Variants in NRG1 observed in about 807,000 individuals in gnomAD.
NRG1 encodes neuregulin 1.
A neutral mutation model predicts 63.8 loss-of-function variants in NRG1; 18 were observed. That is an observed-to-expected ratio of 0.28 (90% CI 0.19 to 0.42). The LOEUF (loss-of-function observed/expected upper bound fraction) is 0.42. NRG1 is among the 10% of genes least tolerant of loss of function. The probability of loss-of-function intolerance (pLI) is 1.00; values close to 1 mark genes in which losing one functional copy is unlikely to be tolerated. For synonymous variants in NRG1, 302 were observed against 301.3 expected (o/e 1.00, Z -0.02); for missense variants, 762 against 814.7 (o/e 0.94, Z 0.79).
chr8:31,739,847 A>G (rs1306554563), intron 1 of NRG1, among the ~76,000 whole-genome samples: 10 of 152,086 alleles, frequency 6.6e-5, no homozygotes, highest in Admixed American at 6.6e-4. Flanking sequence ...AGTATTTTGA[A>G]TAAAAGAGTT....
chr8:32,596,546 G>A (rs1331696615), intron 2 of NRG1, among the ~76,000 whole-genome samples: 1 of 149,670 alleles, frequency 6.7e-6, no homozygotes, highest in African/African-American at 2.5e-5. Context: ...GTTGCAGTAA[G>A]CCAAGAGCAC....
intron 1 of NRG1, among the ~76,000 whole-genome samples, chr8:32,232,152 C>T (rs10092466): frequency 0.051 from 7,712 of 152,116 alleles, 643 homozygotes; most frequent in African/African-American, 0.18. Flanking sequence ...GATCCTCCCA[C>T]CTCAGCCTCC....
At chr8:31,764,032 T>C (rs1247719900) in intron 1 of NRG1, among the ~76,000 whole-genome samples, 1 of 151,112 alleles carries the variant, frequency 6.6e-6, no homozygotes, top group Admixed American at 6.6e-5. Context: ...AAGATAGTTC[T>C]GGAATTCTGA....
intron 1 of NRG1, among the ~76,000 whole-genome samples, chr8:32,077,137 C>A (rs1395879745): frequency 1.3e-5 from 2 of 152,148 alleles, no homozygotes; most frequent in African/African-American, 2.4e-5. Context: ...GAGGCTGAGG[C>A]AGGTGGATCA....
At chr8:32,476,440 A>G (rs570413507) in intron 1 of NRG1, among the ~76,000 whole-genome samples, 11 of 152,208 alleles carry the variant, frequency 7.2e-5, no homozygotes, top group Non-Finnish European at 1.5e-4. Flanking sequence ...GAAAAGTTTC[A>G]TTTCAGGAGG....
At chr8:31,675,159 A>G (rs887859174) in intron 1 of NRG1, among the ~76,000 whole-genome samples, 1 of 152,238 alleles carries the variant, frequency 6.6e-6, no homozygotes, top group Non-Finnish European at 1.5e-5. Context: ...CCTGGCCCAC[A>G]TGGTGAAACC....
chr8:32,034,209 A>G (rs927824841), intron 1 of NRG1, among the ~76,000 whole-genome samples: 5 of 152,138 alleles, frequency 3.3e-5, no homozygotes, highest in Non-Finnish European at 7.4e-5. Flanking sequence ...TGAAATAATC[A>G]TGTGGTTTTT....
At chr8:32,345,702 G>T in intron 1 of NRG1, among the ~76,000 whole-genome samples, 1 of 152,152 alleles carries the variant, frequency 6.6e-6, no homozygotes, top group Non-Finnish European at 1.5e-5. Flanking sequence ...AGGTGCAGTG[G>T]CTCATACCTG....
intron 1 of NRG1, among the ~76,000 whole-genome samples, chr8:31,818,543 A>G (rs1823679007): frequency 6.6e-6 from 1 of 152,158 alleles, no homozygotes; most frequent in South Asian, 2.1e-4. Context: ...TTACATTCTC[A>G]TAAGAAGCAT....
chr8:32,198,681 T>C lies in NRG1; in HGVS notation c.38-397147T>C, dbSNP rs141572189. 7.4e-4 allele frequency among the ~76,000 whole-genome samples: 112 copies of C among 152,350 alleles called. No individual in the cohort carries two copies. In the East Asian group the frequency reaches 0.021, roughly 29 times the overall value. On this transcript the variant is annotated intron_variant, in intron 1 of 10. Coordinates refer to the NRG1 transcript ENST00000519301. The stretch of plus-strand genomic sequence containing the variant: ...GATTTTATACATGTCATTTGATGTT[T>C]ACACCAAGTTTTTGAGGTCAATCTC...
At chr8:31,982,273 T>C (rs1208460497) in intron 1 of NRG1, among the ~76,000 whole-genome samples, 1 of 152,100 alleles carries the variant, frequency 6.6e-6, no homozygotes, top group Non-Finnish European at 1.5e-5. Flanking sequence ...TCTTAGATCA[T>C]TCTTGCTAAG....
At chr8:31,944,392 C>T (rs117997730) in intron 1 of NRG1, among the ~76,000 whole-genome samples, 1,572 of 152,234 alleles carry the variant, frequency 0.01, 28 homozygotes, top group South Asian at 0.084. Context: ...ATGAAAAGAA[C>T]GATATGCAGA....
chr8:31,958,788 A>G (rs550869511), intron 1 of NRG1, among the ~76,000 whole-genome samples: 1 of 152,326 alleles, frequency 6.6e-6, no homozygotes, highest in East Asian at 1.9e-4. Flanking sequence ...CTATGATACA[A>G]TCAAGTTTTT....
At chr8:32,440,652 TA>T in intron 1 of NRG1, 1 of 152,234 alleles carries the variant, frequency 6.6e-6, no homozygotes, top group South Asian at 2.1e-4. Flanking sequence ...GATTGATGAC[TA>T]AGGGTCCGCA....
intron 1 of NRG1, among the ~76,000 whole-genome samples, chr8:32,492,140 A>AT (rs1003498993): frequency 5.3e-5 from 8 of 151,738 alleles, no homozygotes; most frequent in African/African-American, 1.7e-4. Flanking sequence ...AAAAAAAAAC[A>AT]TTTTTTTCCC....
At chr8:32,179,472 C>T (rs1233975626) in intron 1 of NRG1, among the ~76,000 whole-genome samples, 2 of 152,172 alleles carry the variant, frequency 1.3e-5, no homozygotes, top group Non-Finnish European at 2.9e-5. Context: ...AAGTGAGAAG[C>T]TTCTTTTTGC....
At chr8:32,566,187 T>C (rs1837409881) in intron 1 of NRG1, among the ~76,000 whole-genome samples, 1 of 151,876 alleles carries the variant, frequency 6.6e-6, no homozygotes, top group African/African-American at 2.4e-5. Context: ...CGAAACCCCA[T>C]CTCTACTAAA....
intron 1 of NRG1, among the ~76,000 whole-genome samples, chr8:31,925,741 A>G (rs2129619474): frequency 6.6e-6 from 1 of 152,168 alleles, no homozygotes; most frequent in East Asian, 1.9e-4. Context: ...TCTGCTATGA[A>G]GCCCGTCCAC....
At position 32,117,803 on chromosome 8, in the gene NRG1, T is replaced by G. The variant is rs553893700; in HGVS notation, c.38-478025T>G. 5.3e-5 allele frequency among the ~76,000 whole-genome samples: 8 copies of G among 152,236 alleles called. No homozygotes were observed. In the South Asian group the frequency reaches 1.5e-3, roughly 28 times the overall value. ...ACAATTTTTGTAATTCATTCTCTAG[T>G]GAAATATTTCCCCAAAGTGTATCCA... On this transcript the variant is annotated intron_variant, in intron 1 of 10. Transcript: ENST00000519301.
Sources: allele counts gnomAD v4.1 joint callset (sites outside exome capture counted in the v4.1 genomes callset), GRCh38; gene constraint gnomAD v4.1.1; transcripts MANE v1.5; gene names NCBI Gene and HGNC (gene_info 2026-07-23, HGNC 2026-07-21).